Variants in ANK2 observed in about 807,000 individuals in gnomAD.
The protein encoded by ANK2 is ankyrin-2.
Under a neutral mutation model 360.5 loss-of-function variants are expected in ANK2, and 83 were observed. The observed-to-expected ratio is 0.23, with a 90% CI of 0.19 to 0.28. The LOEUF is 0.28. ANK2 is among the 10% of genes least tolerant of loss of function. The pLI, the probability that ANK2 is intolerant of heterozygous loss-of-function variation, is 1.00. For missense variants in ANK2, 4,201 were observed against 4,795.7 expected (o/e 0.88, Z 3.66); for synonymous variants, 1,740 against 1,759.5 (o/e 0.99, Z 0.28).
At chr4:113,293,190 G>A (rs1210148827) in intron 21 of ANK2, 10 of 629,352 alleles carry the variant, frequency 1.6e-5, no homozygotes, top group Non-Finnish European at 2.7e-5. Flanking sequence ...TAGGGTTAAA[G>A]CGTCAAGTGC....
intron 2 of ANK2, among the ~76,000 whole-genome samples, chr4:112,954,157 C>T (rs115205328): frequency 0.014 from 2,077 of 151,698 alleles, 45 homozygotes; most frequent in African/African-American, 0.046. Context: ...TTGTCCCACC[C>T]CTGTATCCTT....
intron 1 of ANK2, among the ~76,000 whole-genome samples, chr4:112,903,989 A>T (rs2084346012): frequency 6.6e-6 from 1 of 152,222 alleles, no homozygotes; most frequent in African/African-American, 2.4e-5. Flanking sequence ...TTATAAAAGG[A>T]AGAAGAAGGG....
chr4:113,132,671 G>T (rs1309808828), intron 1 of ANK2, among the ~76,000 whole-genome samples: 1 of 152,086 alleles, frequency 6.6e-6, no homozygotes, highest in Non-Finnish European at 1.5e-5. Context: ...ATCTAGAGTA[G>T]ATCATACTGG....
At chr4:113,025,704 C>T (rs1579339076) in intron 2 of ANK2, among the ~76,000 whole-genome samples, 2 of 152,102 alleles carry the variant, frequency 1.3e-5, no homozygotes, top group Admixed American at 1.3e-4. Flanking sequence ...CTCTCTTTTT[C>T]TCTGTGAAAT....
At chr4:113,061,764 GAA>G (rs2073525711) in intron 1 of ANK2, among the ~76,000 whole-genome samples, 1 of 152,032 alleles carries the variant, frequency 6.6e-6, no homozygotes, top group African/African-American at 2.4e-5. Flanking sequence ...TAATTAAAAA[GAA>G]TGAATAGGAT....
Position 113,318,535 on chromosome 4 carries a change from G to C in ANK2, c.2815G>C (p.Glu939Gln). The change falls in exon 26 of 46, where the codon GAG (glutamate) becomes CAG (glutamine). Residue 939 changes from glutamate (E) to glutamine (Q), a missense_variant. By Grantham distance (29) the Glu-to-Gln change is conservative (BLOSUM62 2). Transcript: ENST00000357077. ...TGTTTAGGTGTCAACTCTAGCCAAG[G>C]AGGCAGAAAGGAATTCTTATCGCCT... Reference protein sequence around the residue: ...PSHQVSTLAKEAERNSYRLSW... With the variant: ...PSHQVSTLAKQAERNSYRLSW... 2 of 1,613,702 alleles carry C rather than the reference G, an allele frequency of 1.2e-6. No individual in the cohort carries two copies. The highest frequency in any genetic ancestry group is 1.7e-6 in the Non-Finnish European group (2 of 1,179,786).
chr4:113,281,503 C>T (rs554773197), intron 17 of ANK2, among the ~76,000 whole-genome samples: 2 of 152,096 alleles, frequency 1.3e-5, no homozygotes, highest in South Asian at 2.1e-4. Flanking sequence ...GGCACCACTG[C>T]GCTCCAGTCT....
intron 9 of ANK2, among the ~76,000 whole-genome samples, chr4:113,248,837 C>CT (rs1273470664): frequency 2.0e-5 from 3 of 152,150 alleles, no homozygotes; most frequent in Admixed American, 6.5e-5. Flanking sequence ...TTGGGACAAT[C>CT]TTTTTTTCTT....
the ANK2 span, among the ~76,000 whole-genome samples, chr4:112,778,093 C>T: frequency 1.3e-5 from 2 of 152,052 alleles, no homozygotes; most frequent in African/African-American, 4.8e-5. Context: ...CCTCGGCCTT[C>T]CGAGGAGCTG....
At chr4:112,827,142 T>C (rs1194904528) in intron 1 of ANK2, 4 of 1,120,698 alleles carry the variant, frequency 3.6e-6, no homozygotes, top group Non-Finnish European at 5.5e-6. Context: ...ATTGAATGAC[T>C]ACTTACAAGG....
intron 45 of ANK2, 133 bp from the exon 46 acceptor site, chr4:113,381,324 T>C: frequency 1.1e-6 from 1 of 922,608 alleles, no homozygotes; most frequent in East Asian, 2.5e-5. Flanking sequence ...TATAGTTTGT[T>C]ATGCTAATAG....
intron 2 of ANK2, among the ~76,000 whole-genome samples, chr4:112,944,655 T>C (rs1487353469): frequency 2.0e-5 from 3 of 152,092 alleles, no homozygotes; most frequent in Non-Finnish European, 4.4e-5. Flanking sequence ...TGTATGCACA[T>C]GATAATTGGT....
the ANK2 span, among the ~76,000 whole-genome samples, chr4:112,791,742 C>T: frequency 2.6e-5 from 4 of 152,032 alleles, no homozygotes; most frequent in South Asian, 2.1e-4. Flanking sequence ...CCGCCCACCT[C>T]GGCCTCCCAA....
intron 26 of ANK2, among the ~76,000 whole-genome samples, chr4:113,323,605 A>G (rs2087757043): frequency 6.6e-6 from 1 of 152,088 alleles, no homozygotes; most frequent in African/African-American, 2.4e-5. Flanking sequence ...AAGCCCCCAT[A>G]ACTTGCTCTT....
At chr4:113,133,502 C>T (rs551429088) in intron 1 of ANK2, among the ~76,000 whole-genome samples, 2 of 151,984 alleles carry the variant, frequency 1.3e-5, no homozygotes, top group African/African-American at 2.4e-5. Flanking sequence ...AGTGACAGAC[C>T]CCAGATGCCA....
At chr4:113,250,764 C>CCCCT (rs1040363295) in intron 10 of ANK2, among the ~76,000 whole-genome samples, 1 of 139,712 alleles carries the variant, frequency 7.2e-6, no homozygotes, top group Non-Finnish European at 1.6e-5. Context: ...CGCCCCCCCC[C>CCCCT]CCGACAGAGT....
the ANK2 span, chr4:112,788,244 C>T: frequency 3.2e-5 from 51 of 1,589,794 alleles, no homozygotes; most frequent in East Asian, 6.7e-5. Context: ...TTAGCCAAAG[C>T]GCCTTTGTCT....
the ANK2 span, among the ~76,000 whole-genome samples, chr4:112,771,971 G>T: frequency 6.6e-6 from 1 of 152,148 alleles, no homozygotes; most frequent in Non-Finnish European, 1.5e-5. Flanking sequence ...CCTTTCCTCT[G>T]GGTACAGAGT....
At chr4:113,183,491 C>T (rs1463918382) in intron 2 of ANK2, among the ~76,000 whole-genome samples, 1 of 152,036 alleles carries the variant, frequency 6.6e-6, no homozygotes, top group Non-Finnish European at 1.5e-5. Context: ...CACAAGGGAA[C>T]TGAGGATGCA....
Sources: gnomAD v4.1 joint callset for allele counts (sites outside exome capture counted in the v4.1 genomes callset) on GRCh38, gnomAD v4.1.1 for gene constraint, MANE v1.5 for transcripts, NCBI Gene and HGNC (gene_info 2026-07-23, HGNC 2026-07-21) for gene names.